The following KLHL2 variants were observed in gnomAD, a reference collection of about 807,000 sequenced individuals.
The protein encoded by KLHL2 is kelch like family member 2.
A neutral mutation model predicts 75.8 loss-of-function variants in KLHL2; 15 were observed. The observed-to-expected ratio is 0.20, with a 90% CI of 0.13 to 0.30. The LOEUF is 0.30. Among genes scored for constraint, KLHL2 ranks in the 10% least tolerant of loss-of-function variants. The pLI is 1.00. For synonymous variants in KLHL2, 214 were observed against 251.9 expected (o/e 0.85, Z 1.42); for missense variants, 381 against 741.0 (o/e 0.51, Z 5.64).
chr4:165,233,760 A>T (rs1185949012), intron 3 of KLHL2, among the ~76,000 whole-genome samples: 2 of 152,206 alleles, frequency 1.3e-5, no homozygotes, highest in Non-Finnish European at 2.9e-5. Flanking sequence ...CACACAAAAG[A>T]TAATTTCTGA....
At chr4:165,212,313 A>G (rs1359448684) in intron 1 of KLHL2, among the ~76,000 whole-genome samples, 5 of 152,198 alleles carry the variant, frequency 3.3e-5, no homozygotes, top group Non-Finnish European at 5.9e-5. Context: ...AGATAGGGTC[A>G]GGGTGTCTTT....
At chr4:165,212,882 G>A (rs954291264) in intron 1 of KLHL2, among the ~76,000 whole-genome samples, 5 of 152,166 alleles carry the variant, frequency 3.3e-5, no homozygotes, top group African/African-American at 1.2e-4. Flanking sequence ...TAATCATTGA[G>A]CTCTAGCTCC....
At chr4:165,309,306 T>C (rs773002786) in intron 9 of KLHL2, among the ~76,000 whole-genome samples, 4 of 152,302 alleles carry the variant, frequency 2.6e-5, no homozygotes, top group Non-Finnish European at 5.9e-5. Flanking sequence ...TCATAGAGAA[T>C]GTGGAACTTT....
Position 165,207,767 on chromosome 4 carries a change from C to CG in KLHL2, c.-106dup. 3 of 979,532 alleles carry CG rather than the reference C, an allele frequency of 3.1e-6. No individual in the cohort carries two copies. Among genetic ancestry groups the CG allele is most frequent in the Non-Finnish European group, 4.2e-6 (3 of 709,858 alleles). 60.7% of individuals were successfully genotyped at this position (979,532 alleles called of 1,614,324 possible). On this transcript the variant is annotated 5_prime_UTR_variant, in exon 1 of 15. Coordinates refer to ENST00000226725, the MANE Select transcript of KLHL2 (RefSeq NM_007246.4). The surrounding 1 kb of genome is among the most constrained non-coding windows in gnomAD (Gnocchi z 4.2). ...GGTGAGGAGAGCGCGGCGCCCCCTC[C>CG]GGGGCGGATGGAACGCGGCTCGGCG... is the stretch of plus-strand genomic sequence containing the variant.
At chr4:165,298,185 A>G (rs752661559) in intron 7 of KLHL2, among the ~76,000 whole-genome samples, 2 of 152,208 alleles carry the variant, frequency 1.3e-5, no homozygotes, top group Non-Finnish European at 2.9e-5. Flanking sequence ...GTAAGCAAGT[A>G]CTAGAGCTTA....
intron 1 of KLHL2, among the ~76,000 whole-genome samples, chr4:165,217,087 T>A (rs1476203874): frequency 6.6e-6 from 1 of 152,162 alleles, no homozygotes; most frequent in Non-Finnish European, 1.5e-5. Context: ...GCAGAGTTGC[T>A]TTTGCTTCCA....
chr4:165,243,981 G>T (rs909577463), intron 4 of KLHL2, among the ~76,000 whole-genome samples: 6 of 152,096 alleles, frequency 3.9e-5, no homozygotes, highest in Non-Finnish European at 8.8e-5. Context: ...ACTAAGTGTG[G>T]TAAGCTGTTT....
In KLHL2 at chr4:165,310,651, T is replaced by C. The variant is rs1264829439; in HGVS notation, c.1138T>C (p.Trp380Arg). 1 of 1,613,972 alleles carries C rather than the reference T, an allele frequency of 6.2e-7. No homozygotes were observed. The highest frequency in any genetic ancestry group is 1.3e-5 in the African/African-American group (1 of 74,918). Reference sequence around the variant, plus strand: ...TTCCTACGACCCTGTGAAGGACCAGTGGACCAGCGTTGCTAACATGAGAGA... The same window carrying C: ...TTCCTACGACCCTGTGAAGGACCAGCGGACCAGCGTTGCTAACATGAGAGA... ...VDSYDPVKDQ[W>R]TSVANMRDRR... Residue 380 changes from tryptophan to arginine, a missense_variant, in exon 10 of 15, where the codon TGG becomes CGG. Coordinates refer to ENST00000226725, the MANE Select transcript of KLHL2 (RefSeq NM_007246.4).
At chr4:165,266,189 TG>T (rs1220057072) in intron 5 of KLHL2, among the ~76,000 whole-genome samples, 1 of 152,226 alleles carries the variant, frequency 6.6e-6, no homozygotes, top group African/African-American at 2.4e-5. Context: ...CTTGTAAATT[TG>T]TTTAAGTTCT....
intron 1 of KLHL2, among the ~76,000 whole-genome samples, chr4:165,214,372 CT>C (rs1007458173): frequency 6.6e-6 from 1 of 152,096 alleles, no homozygotes; most frequent in Admixed American, 6.6e-5. Context: ...TAAAATATTC[CT>C]TAGGAGATTG....
intron 5 of KLHL2, among the ~76,000 whole-genome samples, chr4:165,285,598 G>A (rs1396851877): frequency 2.0e-5 from 3 of 152,080 alleles, no homozygotes; most frequent in Admixed American, 1.3e-4. Context: ...GTAGAGACGG[G>A]GTTTCATCAT....
intron 4 of KLHL2, among the ~76,000 whole-genome samples, chr4:165,245,297 T>A (rs1259104388): frequency 6.6e-6 from 1 of 152,138 alleles, no homozygotes; most frequent in Non-Finnish European, 1.5e-5. Flanking sequence ...CTGAATGAGA[T>A]GCTGCAGAGA....
At chr4:165,231,068 T>C (rs1056159581) in intron 3 of KLHL2, among the ~76,000 whole-genome samples, 1 of 152,246 alleles carries the variant, frequency 6.6e-6, no homozygotes, top group African/African-American at 2.4e-5. Context: ...AGGAATACTA[T>C]GTTAATTTCT....
chr4:165,232,115 C>G (rs762430165), intron 3 of KLHL2, among the ~76,000 whole-genome samples: 18 of 151,444 alleles, frequency 1.2e-4, no homozygotes, highest in Non-Finnish European at 2.4e-4. Context: ...TGTTTTTTTT[C>G]TTCTACTTTT....
At position 165,318,415 on chromosome 4, in the gene KLHL2, G is replaced by T. The variant is rs1012811534; in HGVS notation, c.1753+446G>T. Among the ~76,000 whole-genome samples, 6 of 152,046 alleles carry T rather than the reference G, an allele frequency of 3.9e-5. No homozygotes were observed. In the South Asian group the frequency reaches 6.2e-4, roughly 16 times the overall value. On this transcript the variant is annotated intron_variant, in intron 14 of 14. Transcript: ENST00000226725. ...TTGAGTTATAAAATGTGATTTTTTGGTCCATTCTCTTAGTAAGATAAATGT... is the reference window on the plus strand; with the variant it reads ...TTGAGTTATAAAATGTGATTTTTTGTTCCATTCTCTTAGTAAGATAAATGT...
intron 1 of KLHL2, among the ~76,000 whole-genome samples, chr4:165,212,460 G>GT (rs752632637): frequency 6.6e-6 from 1 of 152,114 alleles, no homozygotes; most frequent in Non-Finnish European, 1.5e-5. Flanking sequence ...CTTTTTGTGT[G>GT]TTACGCACTG....
intron 5 of KLHL2, among the ~76,000 whole-genome samples, chr4:165,280,264 C>G (rs1189726074): frequency 1.3e-5 from 2 of 152,220 alleles, no homozygotes; most frequent in Non-Finnish European, 2.9e-5. Context: ...TGCTTATAAT[C>G]TAACTTTATA....
chr4:165,293,155 G>T (rs1744642804), intron 5 of KLHL2, among the ~76,000 whole-genome samples: 1 of 152,130 alleles, frequency 6.6e-6, no homozygotes, highest in African/African-American at 2.4e-5. Flanking sequence ...AGGCAGATTT[G>T]CAAGAAAGGT....
At chr4:165,233,607 A>C (rs1360909073) in intron 3 of KLHL2, among the ~76,000 whole-genome samples, 1 of 152,206 alleles carries the variant, frequency 6.6e-6, no homozygotes, top group Admixed American at 6.6e-5. Flanking sequence ...TCATGCTTTC[A>C]TTCATCAAGG....
Sources: allele counts gnomAD v4.1 joint callset (sites outside exome capture counted in the v4.1 genomes callset), GRCh38; gene constraint gnomAD v4.1.1; non-coding constraint Gnocchi (gnomAD v3.1); transcripts MANE v1.5; gene names NCBI Gene and HGNC (gene_info 2026-07-23, HGNC 2026-07-21).